Variants in PCCA observed in about 807,000 individuals in gnomAD.
PCCA encodes the protein propionyl-CoA carboxylase subunit alpha, also known as propionyl-CoA carboxylase alpha chain, mitochondrial.
Under a neutral mutation model 101.3 loss-of-function variants are expected in PCCA, and 74 were observed. The observed-to-expected ratio is 0.73, with a 90% CI of 0.61 to 0.89. The LOEUF (loss-of-function observed/expected upper bound fraction) is 0.89. PCCA is among the 40% of genes least tolerant of loss of function. The pLI is 0.00. For synonymous variants in PCCA, 294 were observed against 313.6 expected (o/e 0.94, Z 0.66); for missense variants, 891 against 907.0 (o/e 0.98, Z 0.23).
At chr13:100,479,879 G>C (rs191754865) in intron 21 of PCCA, 6 of 152,282 alleles carry the variant, frequency 3.9e-5, no homozygotes, top group Admixed American at 3.9e-4. Context: ...TGGCTCCACT[G>C]ATAGAGACTC....
chr13:100,491,778 CT>C, intron 21 of PCCA: 1 of 1,150,176 alleles, frequency 8.7e-7, no homozygotes, highest in South Asian at 1.8e-5. Context: ...ATTTGTAACA[CT>C]TTTATTTTAA....
intron 7 of PCCA, among the ~76,000 whole-genome samples, chr13:100,217,178 G>A (rs1479247989): frequency 1.3e-5 from 2 of 151,954 alleles, no homozygotes; most frequent in African/African-American, 4.8e-5. Flanking sequence ...TGGGTGCAGT[G>A]GCTTACGCCT....
At chr13:100,112,202 G>C in intron 4 of PCCA, 141 bp downstream of exon 4, 3 of 656,264 alleles carry the variant, frequency 4.6e-6, no homozygotes, top group Non-Finnish European at 2.7e-6. Context: ...GTTGTGTTAA[G>C]CAAAACGACA....
At chr13:100,128,102 A>G (rs1006779399) in intron 4 of PCCA, among the ~76,000 whole-genome samples, 1 of 152,166 alleles carries the variant, frequency 6.6e-6, no homozygotes, top group African/African-American at 2.4e-5. Flanking sequence ...TAAGGATTGA[A>G]TTACTGTTAC....
rs1027481451 is a variant in PCCA, at chr13:100,371,992, A to C, written c.1746+3418A>C. The stretch of plus-strand genomic sequence containing the variant: ...CTTTTCTTACTCTGTATACAAAACT[A>C]ACCAAAATGGATCAAAGACCTAAAT... On this transcript the variant is annotated intron_variant, in intron 19 of 23. Coordinates refer to ENST00000376285, the MANE Select transcript of PCCA (RefSeq NM_000282.4). Among the ~76,000 whole-genome samples the C allele has an allele frequency of 3.3e-5, 5 of 152,208 alleles. No homozygotes were observed. The South Asian group carries it at 8.3e-4, about 25-fold the overall frequency.
chr13:100,299,296 C>T (rs1025775209), intron 12 of PCCA, among the ~76,000 whole-genome samples: 1 of 152,212 alleles, frequency 6.6e-6, no homozygotes, highest in Non-Finnish European at 1.5e-5. Flanking sequence ...TATTTTCCTA[C>T]ACAGTTAAAG....
chr13:100,309,052 T>C (rs1479787428), intron 15 of PCCA, among the ~76,000 whole-genome samples: 4 of 152,194 alleles, frequency 2.6e-5, no homozygotes, highest in Non-Finnish European at 5.9e-5. Flanking sequence ...ATAGTCGTCT[T>C]CTTTCTTTAT....
chr13:100,362,091 A>G (rs952257999), intron 18 of PCCA, among the ~76,000 whole-genome samples: 4 of 152,180 alleles, frequency 2.6e-5, no homozygotes, highest in Non-Finnish European at 4.4e-5. Flanking sequence ...ATTCAACAAC[A>G]TGGATGGATG....
At chr13:100,148,471 G>A (rs1042347414) in intron 4 of PCCA, among the ~76,000 whole-genome samples, 3 of 113,578 alleles carry the variant, frequency 2.6e-5, no homozygotes, top group African/African-American at 3.4e-5. Flanking sequence ...TTTCATTTGT[G>A]GTCTGGTACC....
chr13:100,162,900 T>C (rs1364313816), intron 6 of PCCA, among the ~76,000 whole-genome samples: 1 of 152,200 alleles, frequency 6.6e-6, no homozygotes, highest in Admixed American at 6.5e-5. Context: ...TATGTGATGT[T>C]CAAAAGAATT....
At chr13:100,474,282 A>G (rs1371652224) in intron 21 of PCCA, among the ~76,000 whole-genome samples, 2 of 152,198 alleles carry the variant, frequency 1.3e-5, no homozygotes, top group Non-Finnish European at 2.9e-5. Flanking sequence ...ATAAAGGCCC[A>G]TGTTTTTCCT....
At chr13:100,488,145 G>A (rs2084543623) in intron 21 of PCCA, among the ~76,000 whole-genome samples, 1 of 152,176 alleles carries the variant, frequency 6.6e-6, no homozygotes, top group Non-Finnish European at 1.5e-5. Flanking sequence ...CCAGGCAGGA[G>A]TGCAATGGCA....
At chr13:100,209,015 C>T (rs1054624489) in intron 6 of PCCA, among the ~76,000 whole-genome samples, 1 of 152,102 alleles carries the variant, frequency 6.6e-6, no homozygotes, top group Admixed American at 6.6e-5. Context: ...TTACGGGTGA[C>T]CTTACTGGCT....
At chr13:100,460,944 A>G (rs1405949604) in intron 21 of PCCA, among the ~76,000 whole-genome samples, 1 of 152,154 alleles carries the variant, frequency 6.6e-6, no homozygotes, top group Non-Finnish European at 1.5e-5. Context: ...GTGCTGATAG[A>G]TTTATCAGTT....
intron 18 of PCCA, among the ~76,000 whole-genome samples, chr13:100,366,099 T>C (rs1188474864): frequency 6.6e-6 from 1 of 152,208 alleles, no homozygotes; most frequent in Non-Finnish European, 1.5e-5. Flanking sequence ...CAAATGATCA[T>C]GAGCAAGATA....
At chr13:100,306,403 C>T (rs1396731344) in intron 14 of PCCA, among the ~76,000 whole-genome samples, 2 of 152,200 alleles carry the variant, frequency 1.3e-5, no homozygotes, top group Non-Finnish European at 2.9e-5. Context: ...TCCAAAACTT[C>T]TTTCTAATAA....
At chr13:100,502,773 A>ATCC (rs1443683802) in intron 21 of PCCA, among the ~76,000 whole-genome samples, 1 of 152,226 alleles carries the variant, frequency 6.6e-6, no homozygotes, top group Non-Finnish European at 1.5e-5. Context: ...TTTAGGGAAA[A>ATCC]TCCTAGTGGA....
chr13:100,172,944 A>G (rs1201573119), intron 6 of PCCA, among the ~76,000 whole-genome samples: 1 of 152,210 alleles, frequency 6.6e-6, no homozygotes, highest in Non-Finnish European at 1.5e-5. Context: ...CTACCTCTGA[A>G]GAAGAGATTA....
intron 4 of PCCA, among the ~76,000 whole-genome samples, chr13:100,113,113 G>T (rs899982531): frequency 1.3e-5 from 2 of 152,142 alleles, no homozygotes; most frequent in African/African-American, 2.4e-5. Flanking sequence ...TCAATATTGT[G>T]TGACCATCAC....
Sources: allele counts gnomAD v4.1 joint callset (sites outside exome capture counted in the v4.1 genomes callset), GRCh38; gene constraint gnomAD v4.1.1; transcripts MANE v1.5; gene names NCBI Gene and HGNC (gene_info 2026-07-23, HGNC 2026-07-21).